GTF2H1: variants seen among roughly 807,000 people sequenced by gnomAD.
The protein encoded by GTF2H1 is general transcription factor IIH subunit 1, also known as BTF2 p62.
In GTF2H1, 16 loss-of-function variants were observed where a neutral mutation model predicts 71.2. That is an observed-to-expected ratio of 0.22 (90% CI 0.15 to 0.34). The LOEUF is 0.34. GTF2H1 is among the 10% of genes least tolerant of loss of function. The probability of loss-of-function intolerance (pLI) is 1.00; values close to 1 mark genes in which losing one functional copy is unlikely to be tolerated. For missense variants in GTF2H1, 498 were observed against 648.2 expected (o/e 0.77, Z 2.52); for synonymous variants, 215 against 219.0 (o/e 0.98, Z 0.16).
chr11:18,337,330 A>T (rs998437593), intron 3 of GTF2H1, among the ~76,000 whole-genome samples: 2 of 152,288 alleles, frequency 1.3e-5, no homozygotes, highest in East Asian at 3.9e-4. Context: ...CCTGTAATCC[A>T]GCAACTTGGG....
chr11:18,337,673 C>A (rs1049623815), intron 3 of GTF2H1, among the ~76,000 whole-genome samples: 4 of 150,630 alleles, frequency 2.7e-5, no homozygotes, highest in African/African-American at 7.4e-5. Context: ...TTTGATATTA[C>A]AAATAGTTAT....
At chr11:18,348,324 C>T (rs1865347278) in intron 9 of GTF2H1, 1 of 279,690 alleles carries the variant, frequency 3.6e-6, no homozygotes, top group Non-Finnish European at 6.6e-6. Context: ...CCTAGCATTT[C>T]AGAGCTGAAA....
chr11:18,356,883 C>T (rs1292809937), intron 11 of GTF2H1, among the ~76,000 whole-genome samples: 2 of 151,114 alleles, frequency 1.3e-5, no homozygotes, highest in African/African-American at 4.9e-5. Flanking sequence ...TCAACTTCCC[C>T]AGGCTCAAAT....
chr11:18,338,634 G>A (rs1031165718), intron 4 of GTF2H1, among the ~76,000 whole-genome samples: 9 of 151,974 alleles, frequency 5.9e-5, no homozygotes, highest in Admixed American at 5.9e-4. Context: ...TATAGGGCGG[G>A]GGGCAGCTCT....
intron 13 of GTF2H1, among the ~76,000 whole-genome samples, chr11:18,359,221 A>G (rs1456351671): frequency 6.6e-6 from 1 of 152,216 alleles, no homozygotes; most frequent in African/African-American, 2.4e-5. Flanking sequence ...ACTTACCAGT[A>G]TGCAGATAAA....
chr11:18,337,709 T>A (rs1865064988), intron 3 of GTF2H1, among the ~76,000 whole-genome samples: 1 of 152,126 alleles, frequency 6.6e-6, no homozygotes, highest in African/African-American at 2.4e-5. Flanking sequence ...AATATAAGAT[T>A]TAAGTATATG....
rs148926392 is a variant in GTF2H1 at position 18,332,151 on chromosome 11, A to G, written c.-15-909A>G. 5.8e-3 allele frequency among the ~76,000 whole-genome samples: 882 copies of G among 152,340 alleles called. 7 individuals carry two copies. Among genetic ancestry groups the G allele is most frequent in the Middle Eastern group, 0.027 (8 of 294 alleles). ...CCTGTTTTCATTAGTTTTAACCCTCAGAAAAATGTTGCGGTAAAGCTTCAC... is the reference window on the plus strand; with the variant it reads ...CCTGTTTTCATTAGTTTTAACCCTCGGAAAAATGTTGCGGTAAAGCTTCAC... On this transcript the variant is annotated intron_variant, in intron 1 of 14. Coordinates refer to ENST00000265963, the MANE Select transcript of GTF2H1 (RefSeq NM_005316.4).
At chr11:18,327,640 C>T (rs953142011) in intron 1 of GTF2H1, among the ~76,000 whole-genome samples, 1 of 152,158 alleles carries the variant, frequency 6.6e-6, no homozygotes, top group Non-Finnish European at 1.5e-5. Context: ...ACTCTGTCAC[C>T]CAGACTGGAG....
At chr11:18,341,466 A>C in intron 6 of GTF2H1, 56 bp downstream of exon 6, 2 of 1,605,426 alleles carry the variant, frequency 1.2e-6, no homozygotes, top group Middle Eastern at 1.7e-4. Flanking sequence ...TCTAGACATT[A>C]TAAGTGTTAA....
intron 11 of GTF2H1, among the ~76,000 whole-genome samples, chr11:18,354,753 A>G (rs932809172): frequency 1.3e-5 from 2 of 152,152 alleles, no homozygotes; most frequent in African/African-American, 2.4e-5. Flanking sequence ...TTATATCAGC[A>G]TGGATTCATT....
At chr11:18,350,743 A>G (rs1865403501) in intron 9 of GTF2H1, among the ~76,000 whole-genome samples, 1 of 152,200 alleles carries the variant, frequency 6.6e-6, no homozygotes, top group Non-Finnish European at 1.5e-5. Flanking sequence ...ATAAGAGTTG[A>G]CCAGATGAAT....
At position 18,352,237 on chromosome 11, in the gene GTF2H1, G is replaced by A. The variant is rs528339400; in HGVS notation, c.1143-92G>A. 7.5e-6 allele frequency: 5 copies of A among 667,816 alleles called. No homozygotes were observed. In the South Asian group the frequency reaches 8.0e-5, roughly 11 times the overall value. The allele number at this position is 667,816 out of a possible 1,614,324, so 41.4% of individuals were successfully genotyped here. On this transcript the variant is annotated intron_variant, in intron 10 of 14. Coordinates refer to ENST00000265963, the MANE Select transcript of GTF2H1 (RefSeq NM_005316.4). ...TACTTATCGTTTCTTGCCTTGAGGG[G>A]AACTTAGTACTGACTGCTAAAATGT...
intron 3 of GTF2H1, among the ~76,000 whole-genome samples, 184 bp downstream of exon 3, chr11:18,336,130 T>G (rs966335490): frequency 6.6e-6 from 1 of 152,044 alleles, no homozygotes; most frequent in African/African-American, 2.4e-5. Flanking sequence ...TGTTTGTTTG[T>G]TTTTGGATTT....
intron 9 of GTF2H1, chr11:18,348,675 T>G (rs1370093556): frequency 6.6e-6 from 1 of 152,194 alleles, no homozygotes; most frequent in Non-Finnish European, 1.5e-5. Flanking sequence ...AACTGTTCAT[T>G]ATTTTGAAAG....
At position 18,341,364 on chromosome 11, in the gene GTF2H1, A is replaced by G. The variant is rs1276928866; in HGVS notation, c.711A>G (p.Thr237=). The stretch of plus-strand genomic sequence containing the variant: ...ATTTTCACAGGGATCGGCTGAATAC[A>G]GGGTCAAAGGATCTCTTTGCAGAAT... ...SHYFHRDRLN[T]GSKDLFAECA... is the part of the protein sequence containing the mutation. Residue 237 remains threonine (T), a synonymous_variant, in exon 6 of 15, where the codon ACA becomes ACG. Transcript: ENST00000265963. The G allele has an allele frequency of 6.2e-7, 1 of 1,613,936 alleles. No homozygotes were observed. The highest frequency in any genetic ancestry group is 1.3e-5 in the African/African-American group (1 of 74,942).
intron 14 of GTF2H1, among the ~76,000 whole-genome samples, chr11:18,363,427 C>T (rs141951902): frequency 6.6e-5 from 10 of 152,044 alleles, no homozygotes; most frequent in African/African-American, 1.7e-4. Flanking sequence ...TATGATGTTA[C>T]GACATCACTA....
At position 18,333,231 on chromosome 11, in the gene GTF2H1, A is replaced by G. The variant is rs371534889; in HGVS notation, c.154+3A>G. The G allele has an allele frequency of 5.6e-6, 9 of 1,604,452 alleles. No individual in the cohort carries two copies. Among genetic ancestry groups the G allele is most frequent in the Non-Finnish European group, 7.7e-6 (9 of 1,173,578 alleles). On this transcript the variant is annotated splice_donor_region_variant and intron_variant, in intron 2 of 14. Transcript: ENST00000265963. ...CCATATGTATGCAGATATTAAATGT[A>G]AGTCAGCTATACTAAGTTCTGATGT...
intron 14 of GTF2H1, among the ~76,000 whole-genome samples, chr11:18,363,994 A>T (rs1201519721): frequency 1.3e-5 from 2 of 152,160 alleles, no homozygotes; most frequent in East Asian, 1.9e-4. Context: ...GAATTGCTTG[A>T]ACCTGGGAGG....
At chr11:18,344,514 G>C (rs922472385) in intron 7 of GTF2H1, among the ~76,000 whole-genome samples, 2 of 151,106 alleles carry the variant, frequency 1.3e-5, no homozygotes, top group African/African-American at 4.9e-5. Context: ...AGCTACCCAG[G>C]AGGCTGAGGC....
Sources: allele counts gnomAD v4.1 joint callset (sites outside exome capture counted in the v4.1 genomes callset), GRCh38; gene constraint gnomAD v4.1.1; transcripts MANE v1.5; gene names NCBI Gene and HGNC (gene_info 2026-07-23, HGNC 2026-07-21).